PLCH1: variants seen among roughly 807,000 people sequenced by gnomAD.
PLCH1 encodes the protein phospholipase C eta 1, also known as 1-phosphatidylinositol 4,5-bisphosphate phosphodiesterase eta-1.
A neutral mutation model predicts 126.7 loss-of-function variants in PLCH1; 60 were observed. The observed-to-expected ratio is 0.47, with a 90% CI of 0.38 to 0.59. The LOEUF (loss-of-function observed/expected upper bound fraction) is 0.59, where lower values mean the gene tolerates loss of function less well. Among genes scored for constraint, PLCH1 ranks in the 20% least tolerant of loss-of-function variants. The pLI, the probability that PLCH1 is intolerant of heterozygous loss-of-function variation, is 0.00. For synonymous variants in PLCH1, 719 were observed against 734.9 expected, an observed-to-expected ratio of 0.98 and a Z score of 0.35; for missense variants, 1,723 against 2,040.0, an observed-to-expected ratio of 0.84 and a Z score of 2.99.
chr3:155,485,188 TG>T (rs757839763), intron 22 of PLCH1, among the ~76,000 whole-genome samples, 167 bp downstream of exon 22: 4 of 152,222 alleles, frequency 2.6e-5, no homozygotes, highest in Admixed American at 6.5e-5. Context: ...TGGATCTACC[TG>T]GCCCCCAAAG....
At chr3:155,743,508 G>A (rs1355278846) in intron 1 of PLCH1, 16 of 442,438 alleles carry the variant, frequency 3.6e-5, no homozygotes, top group Admixed American at 7.8e-5. Flanking sequence ...CTCCAGCCTG[G>A]GCGACAGAGC....
At chr3:155,486,219 A>G in intron 21 of PLCH1, 1 of 1,525,280 alleles carries the variant, frequency 6.6e-7, no homozygotes, top group South Asian at 1.2e-5. Context: ...GTAAAGGAAA[A>G]AAACAAAACA....
chr3:155,491,479 T>C (rs1716193220), intron 18 of PLCH1, among the ~76,000 whole-genome samples: 1 of 152,018 alleles, frequency 6.6e-6, no homozygotes, highest in Non-Finnish European at 1.5e-5. Context: ...TCCAGGCTGG[T>C]CTCAAACTCC....
intron 1 of PLCH1, among the ~76,000 whole-genome samples, chr3:155,730,898 C>T (rs935607542): frequency 2.6e-5 from 4 of 152,252 alleles, no homozygotes; most frequent in South Asian, 2.1e-4. Context: ...ATGGACATTG[C>T]CTTACACCCT....
chr3:155,516,936 C>T (rs1034513781), intron 11 of PLCH1, among the ~76,000 whole-genome samples: 15 of 152,030 alleles, frequency 9.9e-5, no homozygotes, highest in Non-Finnish European at 1.8e-4. Context: ...CGCAACTTGT[C>T]CAGCCTTGGG....
chr3:155,626,841 A>T (rs12493067), intron 2 of PLCH1, among the ~76,000 whole-genome samples: 43,627 of 149,386 alleles, frequency 0.29, 6,992 homozygotes, highest in East Asian at 0.43. Flanking sequence ...AAATATCTAT[A>T]TAAACCATTC....
intron 10 of PLCH1, among the ~76,000 whole-genome samples, chr3:155,540,880 A>G (rs1221775982): frequency 6.6e-6 from 1 of 152,090 alleles, no homozygotes; most frequent in Non-Finnish European, 1.5e-5. Flanking sequence ...GGTAGATACC[A>G]CTCCTGCATC....
chr3:155,563,262 T>C (rs936900189), intron 8 of PLCH1, among the ~76,000 whole-genome samples: 9 of 152,204 alleles, frequency 5.9e-5, no homozygotes, highest in Non-Finnish European at 1.2e-4. Context: ...TTTGGAATCC[T>C]TATCTTGCCC....
chr3:155,733,934 C>T (rs982867056), intron 1 of PLCH1, among the ~76,000 whole-genome samples: 17 of 98,164 alleles, frequency 1.7e-4, no homozygotes, highest in East Asian at 6.9e-4. Flanking sequence ...AACAGGTATA[C>T]ATATATATAT....
chr3:155,630,954 A>T (rs963645692), intron 2 of PLCH1, among the ~76,000 whole-genome samples: 2 of 152,224 alleles, frequency 1.3e-5, no homozygotes, highest in African/African-American at 4.8e-5. Context: ...GATTGAAGAA[A>T]TTTTTGGAAT....
intron 2 of PLCH1, among the ~76,000 whole-genome samples, chr3:155,701,877 C>A (rs1746301055): frequency 6.6e-6 from 1 of 152,116 alleles, no homozygotes; most frequent in Non-Finnish European, 1.5e-5. Flanking sequence ...TCCTGAATTA[C>A]AATATATCCT....
intron 1 of PLCH1, among the ~76,000 whole-genome samples, chr3:155,708,267 G>A (rs1467473220): frequency 6.6e-6 from 1 of 152,188 alleles, no homozygotes; most frequent in Non-Finnish European, 1.5e-5. Context: ...TGGAGGTGGA[G>A]ATAATAAATA....
intron 2 of PLCH1, among the ~76,000 whole-genome samples, chr3:155,670,836 A>G (rs1378621779): frequency 2.0e-5 from 3 of 152,078 alleles, no homozygotes; most frequent in African/African-American, 7.2e-5. Flanking sequence ...TTCTTACCCC[A>G]CTGCTTCCCT....
chr3:155,476,981 C>T (rs1713574837), downstream of PLCH1, among the ~76,000 whole-genome samples: 1 of 152,090 alleles, frequency 6.6e-6, no homozygotes, highest in Non-Finnish European at 1.5e-5. Context: ...AGAGGAATCA[C>T]ATTACCTGAC....
chr3:155,730,435 C>T (rs1748688310), intron 1 of PLCH1, among the ~76,000 whole-genome samples: 1 of 152,076 alleles, frequency 6.6e-6, no homozygotes. Flanking sequence ...GCGCCCGCAC[C>T]ACGCCCAGCT....
At chr3:155,526,710 T>C (rs1721999357) in intron 10 of PLCH1, among the ~76,000 whole-genome samples, 1 of 152,112 alleles carries the variant, frequency 6.6e-6, no homozygotes, top group South Asian at 2.1e-4. Context: ...ACACCTTAAT[T>C]ACAGCCTCAA....
Position 155,481,011 on chromosome 3 carries a change from C to A in PLCH1, c.5015G>T (p.Ser1672Ile). The A allele has an allele frequency of 6.2e-7, 1 of 1,608,230 alleles. No homozygotes were observed. ...ATAAATTTCTGGTTTATCATCACTGCTTGGCTCAGTCTGCAAAACAGAATT... is the reference window on the plus strand; with the variant it reads ...ATAAATTTCTGGTTTATCATCACTGATTGGCTCAGTCTGCAAAACAGAATT... ...SDNSVLQTEP[S>I]SDDKPEIYFL... The change falls in exon 23 of 23, where the codon AGC (serine) becomes ATC (isoleucine). Residue 1672 changes from serine to isoleucine, a missense_variant. Ser to Ile is a moderately radical substitution (Grantham distance 142). This residue lies in a region of PLCH1 where 947 missense variants were observed against 977.1 expected (regional missense o/e 0.97). Transcript: ENST00000460012. This position sits in a 1 kb window ranked among gnomAD's most constrained non-coding sequence, Gnocchi z 4.2.
chr3:155,631,331 A>C (rs1244835668), intron 2 of PLCH1, among the ~76,000 whole-genome samples: 4 of 114,980 alleles, frequency 3.5e-5, no homozygotes, highest in African/African-American at 1.9e-4. Context: ...ATCATTGCCA[A>C]GTTTAAGTAC....
At chr3:155,612,020 T>C (rs1388022260) in intron 2 of PLCH1, among the ~76,000 whole-genome samples, 1 of 152,052 alleles carries the variant, frequency 6.6e-6, no homozygotes, top group Non-Finnish European at 1.5e-5. Flanking sequence ...AAAAGCAGTG[T>C]TAAGAGGAAA....
Sources: gnomAD v4.1 joint callset for allele counts (sites outside exome capture counted in the v4.1 genomes callset) on GRCh38, gnomAD v4.1.1 for gene constraint, gnomAD v4.1.1 regional missense constraint, Gnocchi (gnomAD v3.1) non-coding constraint, MANE v1.5 for transcripts, NCBI Gene and HGNC (gene_info 2026-07-23, HGNC 2026-07-21) for gene names.